The following RTL4 variants were observed in gnomAD, a reference collection of about 807,000 sequenced individuals.
The protein encoded by RTL4 is retrotransposon Gag like 4.
RTL4 carries 4 observed loss-of-function variants against 5.3 expected under a neutral mutation model. That is an observed-to-expected ratio of 0.75 (90% CI 0.37 to 1.72). The LOEUF is 1.72. RTL4 is among the 40% of genes most tolerant of loss of function. RTL4 has a pLI of 0.04. For missense variants in RTL4, 260 were observed against 227.1 expected (o/e 1.14, Z -0.93); for synonymous variants, 98 against 87.3 (o/e 1.12, Z -0.68).
At chrX:112,393,146 TC>T in the RTL4 span, among the ~76,000 whole-genome samples, 2 of 92,767 alleles carry the variant, frequency 2.2e-5, no homozygotes, top group African/African-American at 4.9e-5. Context: ...TTTCTTTCTT[TC>T]TTTTTTTTTT....
At chrX:112,148,380 T>C in the RTL4 span, among the ~76,000 whole-genome samples, 1 of 108,971 alleles carries the variant, frequency 9.2e-6, no homozygotes, top group Non-Finnish European at 1.9e-5. Flanking sequence ...GCTATGCTAA[T>C]GGAATGAAAT....
chrX:112,392,396 G>A, the RTL4 span, among the ~76,000 whole-genome samples: 6 of 111,717 alleles, frequency 5.4e-5, no homozygotes, highest in Non-Finnish European at 1.1e-4. Flanking sequence ...TTAGTAACTG[G>A]AGGTATCAAT....
the RTL4 span, among the ~76,000 whole-genome samples, chrX:112,125,260 C>G: frequency 9.0e-6 from 1 of 111,075 alleles, no homozygotes; most frequent in Non-Finnish European, 1.9e-5. Context: ...GCAAGGGTTT[C>G]CCTTATAGTC....
At chrX:112,344,338 C>A in the RTL4 span, among the ~76,000 whole-genome samples, 3 of 111,883 alleles carry the variant, frequency 2.7e-5, no homozygotes, top group Non-Finnish European at 3.8e-5. Context: ...TAAAGAAGTA[C>A]CTGAAACTGG....
chrX:112,242,050 T>A, the RTL4 span, among the ~76,000 whole-genome samples: 2,477 of 111,565 alleles, frequency 0.022, 74 homozygotes, highest in African/African-American at 0.077. Flanking sequence ...GTTCCATTGG[T>A]CTATATCTCT....
the RTL4 span, among the ~76,000 whole-genome samples, chrX:112,289,494 C>A: frequency 8.9e-6 from 1 of 111,970 alleles, no homozygotes; most frequent in African/African-American, 3.2e-5. Flanking sequence ...GACTTGGAAC[C>A]AGATCAATCT....
chrX:112,454,878 A>G, exon 1 of RTL4: 2 of 1,211,200 alleles, frequency 1.7e-6, no homozygotes, highest in Non-Finnish European at 2.2e-6. Flanking sequence ...TGGCCACCAC[A>G]GTGATGCCTG....
At chrX:112,212,241 G>T in the RTL4 span, among the ~76,000 whole-genome samples, 1 of 111,318 alleles carries the variant, frequency 9.0e-6, no homozygotes, top group African/African-American at 3.3e-5. Context: ...GCCAGGCATG[G>T]TGGCGGGCGC....
the RTL4 span, among the ~76,000 whole-genome samples, chrX:112,310,369 CATATATATAT>C: frequency 0.015 from 67 of 4,356 alleles, no homozygotes; most frequent in African/African-American, 0.028. Flanking sequence ...CACCTTTATA[CATATATATAT>C]ATATATATAT....
chrX:112,290,006 ATGCTGCAC>A, the RTL4 span, among the ~76,000 whole-genome samples: 25 of 111,227 alleles, frequency 2.2e-4, no homozygotes, highest in African/African-American at 7.8e-4. Flanking sequence ...CTTAATCACA[ATGCTGCAC>A]TGTGAACAAG....
the RTL4 span, among the ~76,000 whole-genome samples, chrX:112,333,552 T>G: frequency 3.6e-5 from 4 of 111,965 alleles, no homozygotes; most frequent in Admixed American, 1.9e-4. Context: ...TTGAATTCTT[T>G]TTTATTTTGA....
the RTL4 span, among the ~76,000 whole-genome samples, chrX:112,148,184 C>A: frequency 9.1e-6 from 1 of 109,871 alleles, no homozygotes; most frequent in African/African-American, 3.3e-5. Context: ...ATTTGCTGTT[C>A]AGTGGAATAT....
chrX:112,351,295 T>C, the RTL4 span, among the ~76,000 whole-genome samples: 27 of 104,177 alleles, frequency 2.6e-4, no homozygotes, highest in Non-Finnish European at 5.2e-4. Flanking sequence ...AACTATGTGG[T>C]CAATTTTGGA....
chrX:112,103,013 G>T, the RTL4 span, among the ~76,000 whole-genome samples: 25 of 111,987 alleles, frequency 2.2e-4, no homozygotes, highest in South Asian at 8.6e-3. Flanking sequence ...CATTGTGGAA[G>T]ACAGTGTGGC....
chrX:112,212,220 C>CA, the RTL4 span, among the ~76,000 whole-genome samples: 2 of 110,527 alleles, frequency 1.8e-5, no homozygotes, highest in African/African-American at 6.6e-5. Flanking sequence ...ACTAAAAATA[C>CA]AAAAAAATTA....
the RTL4 span, among the ~76,000 whole-genome samples, chrX:112,407,831 G>A: frequency 8.9e-6 from 1 of 112,801 alleles, no homozygotes; most frequent in Non-Finnish European, 1.9e-5. Context: ...TTGGGAGAAA[G>A]TGAGAGAAGA....
the RTL4 span, among the ~76,000 whole-genome samples, chrX:112,375,999 C>T: frequency 9.0e-6 from 1 of 111,227 alleles, no homozygotes; most frequent in African/African-American, 3.3e-5. Flanking sequence ...ACAATCAGAC[C>T]AATAAGAAGT....
At chrX:112,320,819 A>G in the RTL4 span, among the ~76,000 whole-genome samples, 1 of 111,862 alleles carries the variant, frequency 8.9e-6, no homozygotes, top group Non-Finnish European at 1.9e-5. Flanking sequence ...CCCCCCACAT[A>G]GGATCAATGG....
chrX:112,092,275 A>AT, the RTL4 span, among the ~76,000 whole-genome samples: 2 of 111,383 alleles, frequency 1.8e-5, no homozygotes, highest in African/African-American at 6.5e-5. Flanking sequence ...TATGTAAAAT[A>AT]TTTTTTGTTC....
Sources: allele counts gnomAD v4.1 joint callset (sites outside exome capture counted in the v4.1 genomes callset), GRCh38; gene constraint gnomAD v4.1.1; transcripts MANE v1.5; gene names NCBI Gene and HGNC (gene_info 2026-07-23, HGNC 2026-07-21).